Variants in TATDN3 observed in about 807,000 individuals in gnomAD.
TATDN3 encodes the protein TatD DNase domain containing 3, also known as deoxyribonuclease TATDN3.
A neutral mutation model predicts 40.1 loss-of-function variants in TATDN3; 29 were observed. That is an observed-to-expected ratio of 0.72 (90% confidence interval 0.54 to 0.99). The LOEUF (loss-of-function observed/expected upper bound fraction) is 0.99, where lower values mean the gene tolerates loss of function less well. Ranked by LOEUF, TATDN3 falls within the 50% of genes least tolerant of loss-of-function variation. TATDN3 has a pLI of 0.00. For synonymous variants in TATDN3, 105 were observed against 117.0 expected (o/e 0.90, Z 0.66); for missense variants, 309 against 321.9 (o/e 0.96, Z 0.31).
At chr1:212,814,185 G>A (rs1310938502) in intron 9 of TATDN3, among the ~76,000 whole-genome samples, 1 of 151,994 alleles carries the variant, frequency 6.6e-6, no homozygotes, top group Non-Finnish European at 1.5e-5. Context: ...TAATATTCCA[G>A]TATGTGAGTT....
chr1:212,792,473 C>CAAAAA (rs571045425), intron 1 of TATDN3, among the ~76,000 whole-genome samples: 2 of 120,480 alleles, frequency 1.7e-5, no homozygotes, highest in South Asian at 5.5e-4. Flanking sequence ...CTCGTCCCTA[C>CAAAAA]AAAAAAAAAA....
chr1:212,808,100 G>T (rs764677789), intron 8 of TATDN3, among the ~76,000 whole-genome samples: 31 of 152,096 alleles, frequency 2.0e-4, no homozygotes, highest in South Asian at 2.1e-4. Context: ...ATCACCTGAG[G>T]CCAGGAGTTC....
At position 212,806,837 on chromosome 1, in the gene TATDN3, C is replaced by CAT. The variant is rs769841745; in HGVS notation, c.488-893_488-892dup. On this transcript the variant is annotated intron_variant, in intron 7 of 9. Coordinates refer to ENST00000366974, the MANE Select transcript of TATDN3 (RefSeq NM_001042552.3). ...ATATACACATATATACATATATATACATATATACACATATATACATATGTA... is the reference window on the plus strand; with the variant it reads ...ATATACACATATATACATATATATACATATATATACACATATATACATATGTA... Among the ~76,000 whole-genome samples, 297 of 51,370 alleles carry CAT rather than the reference C, an allele frequency of 5.8e-3. 26 individuals are homozygous for CAT. Among genetic ancestry groups the CAT allele is most frequent in the African/African-American group, 0.011 (163 of 14,374 alleles). The allele number at this position is 51,370 out of a possible 152,430, so 33.7% of individuals were successfully genotyped here.
Position 212,809,680 on chromosome 1 carries a change from G to A in TATDN3, c.600+1832G>A, listed in dbSNP as rs529013683. On this transcript the variant is annotated intron_variant, in intron 8 of 9. Transcript: ENST00000366974. ...AGCCTGGGTGACAGAGCGAGACTCC[G>A]TCTCAAAAAAAAAAAAAAGAAAAAA... 1.2e-3 allele frequency among the ~76,000 whole-genome samples: 160 copies of A among 137,346 alleles called. 1 individual carries two copies. The highest frequency in any genetic ancestry group is 0.011 in the South Asian group (48 of 4,268). The allele number at this position is 137,346 out of a possible 152,430, so 90.1% of individuals were successfully genotyped here.
At chr1:212,804,727 C>T in intron 7 of TATDN3, 76 bp downstream of exon 7, 2 of 1,345,554 alleles carry the variant, frequency 1.5e-6, no homozygotes, top group Non-Finnish European at 2.1e-6. Flanking sequence ...TAAAGCAAGC[C>T]ATGTTTTAAT....
At position 212,807,937 on chromosome 1, in the gene TATDN3, T is replaced by C. The variant is rs1662639415; in HGVS notation, c.600+89T>C. Reference sequence around the variant, plus strand: ...TTCCATACTTGTGATACTATTCTAGTTACATTACAAAAATTAATCTTAGGT... The same window carrying C: ...TTCCATACTTGTGATACTATTCTAGCTACATTACAAAAATTAATCTTAGGT... On this transcript the variant is annotated intron_variant, in intron 8 of 9. Coordinates refer to ENST00000366974, the MANE Select transcript of TATDN3 (RefSeq NM_001042552.3). The C allele has an allele frequency of 5.0e-6, 4 of 793,386 alleles. No individual in the cohort carries two copies. The African/African-American group carries it at 5.4e-5, about 11-fold the overall frequency. 49.1% of individuals were successfully genotyped at this position (793,386 alleles called of 1,614,324 possible).
chr1:212,809,149 T>G (rs1662712121), intron 8 of TATDN3, among the ~76,000 whole-genome samples: 1 of 152,184 alleles, frequency 6.6e-6, no homozygotes, highest in Non-Finnish European at 1.5e-5. Flanking sequence ...ATTCCATTCA[T>G]GTGAAATGTC....
chr1:212,814,619 C>G (rs921387677), intron 9 of TATDN3, among the ~76,000 whole-genome samples: 28 of 152,252 alleles, frequency 1.8e-4, no homozygotes, highest in East Asian at 7.7e-4. Context: ...GTTGGCAATT[C>G]TTGAATCAAA....
At position 212,804,343 on chromosome 1, in the gene TATDN3, A is replaced by G. The variant is rs757077492; in HGVS notation, c.345A>G (p.Arg115=). ...IGEVGLDFSP[R]FAGTGEQKEE... is the part of the protein sequence containing the mutation. ...AGGTTGGACTAGATTTCTCCCCCAG[A>G]TTTGCTGGCACTGGTGAACAGAAGG... Residue 115 remains arginine, a synonymous_variant, in exon 6 of 10, where the codon AGA becomes AGG. Transcript: ENST00000366974. 2.1e-5 allele frequency: 34 copies of G among 1,613,860 alleles called. 1 individual carries two copies. In the Middle Eastern group the frequency reaches 4.9e-4, roughly 23 times the overall value.
chr1:212,813,083 C>T (rs1264493591), intron 9 of TATDN3, among the ~76,000 whole-genome samples: 1 of 152,100 alleles, frequency 6.6e-6, no homozygotes, highest in Non-Finnish European at 1.5e-5. Flanking sequence ...ATCTGGTATA[C>T]AGTAGGTATT....
chr1:212,793,216 A>AT (rs1218904489), intron 1 of TATDN3, among the ~76,000 whole-genome samples: 10 of 152,122 alleles, frequency 6.6e-5, no homozygotes, highest in Non-Finnish European at 8.8e-5. Context: ...ATTTATTTTC[A>AT]TTTTTTTATT....
chr1:212,798,506 G>A (rs1225496048), intron 4 of TATDN3, among the ~76,000 whole-genome samples: 2 of 139,562 alleles, frequency 1.4e-5, no homozygotes, highest in African/African-American at 5.3e-5. Flanking sequence ...AGACCAGCCT[G>A]GGCAACATGG....
chr1:212,804,582 T>C lies in TATDN3; in HGVS notation c.432-14T>C, dbSNP rs1278759099. ...AGAATGGTACTTAAAAGAAATGTTGTTATCGTTAAACAGAAATGTGCACTC... is the reference window on the plus strand; with the variant it reads ...AGAATGGTACTTAAAAGAAATGTTGCTATCGTTAAACAGAAATGTGCACTC... On this transcript the variant is annotated splice_polypyrimidine_tract_variant and intron_variant, in intron 6 of 9. Transcript: ENST00000366974. 4.3e-6 allele frequency: 7 copies of C among 1,611,340 alleles called. No homozygotes were observed. Among genetic ancestry groups the C allele is most frequent in the Non-Finnish European group, 5.1e-6 (6 of 1,178,854 alleles).
intron 8 of TATDN3, among the ~76,000 whole-genome samples, chr1:212,810,650 C>G (rs1379353998): frequency 6.6e-6 from 1 of 151,948 alleles, no homozygotes; most frequent in East Asian, 1.9e-4. Context: ...ACGTGCCACT[C>G]CACTCCAACA....
At chr1:212,813,565 T>TA (rs1663016476) in intron 9 of TATDN3, among the ~76,000 whole-genome samples, 2 of 135,772 alleles carry the variant, frequency 1.5e-5, no homozygotes, top group African/African-American at 5.6e-5. Context: ...TTCTTTCTTT[T>TA]CTTTTTTTTT....
intron 8 of TATDN3, among the ~76,000 whole-genome samples, chr1:212,811,424 G>A (rs1386269496): frequency 4.8e-5 from 7 of 144,422 alleles, no homozygotes; most frequent in South Asian, 2.3e-4. Context: ...CCACCACCCC[G>A]GCTTAATTTT....
intron 4 of TATDN3, among the ~76,000 whole-genome samples, chr1:212,802,404 C>T (rs1340772095): frequency 6.6e-6 from 1 of 152,162 alleles, no homozygotes; most frequent in East Asian, 1.9e-4. Flanking sequence ...TCAGAATGTC[C>T]AAATGCCTCC....
At chr1:212,801,983 G>A (rs79277769) in intron 4 of TATDN3, among the ~76,000 whole-genome samples, 3,466 of 152,156 alleles carry the variant, frequency 0.023, 63 homozygotes, top group South Asian at 0.042. Context: ...CAGGAGAAAT[G>A]CTTTGCAATT....
intron 7 of TATDN3, among the ~76,000 whole-genome samples, chr1:212,806,864 A>T (rs1409382305): frequency 1.0e-5 from 1 of 95,710 alleles, no homozygotes; most frequent in Non-Finnish European, 2.1e-5. Context: ...ACATATGTAT[A>T]TACACATATA....
Sources: allele counts gnomAD v4.1 joint callset (sites outside exome capture counted in the v4.1 genomes callset), GRCh38; gene constraint gnomAD v4.1.1; transcripts MANE v1.5; gene names NCBI Gene and HGNC (gene_info 2026-07-23, HGNC 2026-07-21).